Variants in SNW1 observed in about 807,000 individuals in gnomAD.
SNW1 encodes the protein SNW domain-containing protein 1.
A neutral mutation model predicts 75.6 loss-of-function variants in SNW1; 9 were observed. The ratio of observed to expected loss-of-function variants is 0.12; its 90% CI spans 0.07 to 0.21. The LOEUF is 0.21. Among genes scored for constraint, SNW1 ranks in the 10% least tolerant of loss-of-function variants. The pLI is 1.00. For synonymous variants in SNW1, 200 were observed against 219.1 expected (o/e 0.91, Z 0.77); for missense variants, 409 against 670.9 (o/e 0.61, Z 4.31).
chr14:77,727,964 G>A (rs1448701095), intron 10 of SNW1, among the ~76,000 whole-genome samples: 1 of 151,522 alleles, frequency 6.6e-6, no homozygotes, highest in Non-Finnish European at 1.5e-5. Context: ...AGTAGAACTG[G>A]TATTTAGTTC....
chr14:77,751,570 T>G (rs2080807361), intron 2 of SNW1, 90 bp from the exon 3 acceptor site: 1 of 1,022,092 alleles, frequency 9.8e-7, no homozygotes, highest in African/African-American at 1.6e-5. Flanking sequence ...TGTTGAGTCC[T>G]TAGTATGCTA....
At chr14:77,745,309 T>C (rs1292857314) in intron 3 of SNW1, among the ~76,000 whole-genome samples, 3 of 152,138 alleles carry the variant, frequency 2.0e-5, no homozygotes. Flanking sequence ...GGTAGAACTT[T>C]CTAGGAAAAA....
intron 1 of SNW1, among the ~76,000 whole-genome samples, chr14:77,756,750 G>T (rs1158321043): frequency 6.6e-6 from 1 of 152,148 alleles, no homozygotes; most frequent in Non-Finnish European, 1.5e-5. Context: ...AGGCGTGCTG[G>T]TGTGCGCCTG....
chr14:77,730,984 A>G lies in SNW1; in HGVS notation c.1033+4T>C. ...AATTCAATTCAGTAATGAGAATGTC[A>G]TACCTTTTTCCACATGAGTTTTGAT... On this transcript the variant is annotated splice_donor_region_variant and intron_variant, in intron 10 of 13. Transcript: ENST00000261531. 1 of 1,612,074 alleles carries G rather than the reference A, an allele frequency of 6.2e-7. No homozygotes were observed. The highest frequency in any genetic ancestry group is 8.5e-7 in the Non-Finnish European group (1 of 1,179,590).
intron 1 of SNW1, 47 bp from the exon 2 acceptor site, chr14:77,755,167 T>A (rs771689945): frequency 1.9e-6 from 3 of 1,555,502 alleles, no homozygotes; most frequent in Admixed American, 1.9e-5. Flanking sequence ...AACTCTTATG[T>A]TTAATTTGAC....
chr14:77,730,696 G>A (rs1001463486), intron 10 of SNW1, among the ~76,000 whole-genome samples: 27 of 152,136 alleles, frequency 1.8e-4, no homozygotes, highest in African/African-American at 6.5e-4. Flanking sequence ...TTGAGATTAA[G>A]ATAAGAGAAA....
intron 6 of SNW1, 48 bp from the exon 7 acceptor site, chr14:77,736,054 T>C: frequency 7.4e-7 from 1 of 1,355,804 alleles, no homozygotes; most frequent in Non-Finnish European, 1.0e-6. Context: ...TCCTCCCTTT[T>C]AGTCATCATA....
chr14:77,740,824 C>G (rs1443928731), intron 3 of SNW1, among the ~76,000 whole-genome samples: 1 of 152,058 alleles, frequency 6.6e-6, no homozygotes, highest in Non-Finnish European at 1.5e-5. Context: ...GGGGAGGGCA[C>G]GGTGGCTCAC....
chr14:77,740,135 TAAAAAAAAAAA>T (rs1170373918), intron 3 of SNW1, among the ~76,000 whole-genome samples: 1,582 of 65,210 alleles, frequency 0.024, 37 homozygotes, highest in African/African-American at 0.08. Context: ...CACTGTATAT[TAAAAAAAAAAA>T]AAAAAAAAAA....
intron 1 of SNW1, among the ~76,000 whole-genome samples, chr14:77,757,766 A>T (rs1049233027): frequency 2.0e-5 from 3 of 152,164 alleles, no homozygotes; most frequent in Non-Finnish European, 4.4e-5. Context: ...TCTAGCTCAC[A>T]GCTCGAGCTC....
intron 3 of SNW1, among the ~76,000 whole-genome samples, chr14:77,745,950 G>C (rs951078897): frequency 6.6e-6 from 1 of 152,096 alleles, no homozygotes; most frequent in African/African-American, 2.4e-5. Flanking sequence ...CTTGAGCTCA[G>C]GAGTTCAAGG....
At chr14:77,757,336 G>T (rs944243976) in intron 1 of SNW1, among the ~76,000 whole-genome samples, 1 of 152,172 alleles carries the variant, frequency 6.6e-6, no homozygotes, top group Non-Finnish European at 1.5e-5. Flanking sequence ...GTCTGGGGAG[G>T]TAAGTGATGG....
chr14:77,731,316 T>A (rs950901550), intron 9 of SNW1, among the ~76,000 whole-genome samples, 187 bp from the exon 10 acceptor site: 1 of 152,276 alleles, frequency 6.6e-6, no homozygotes, highest in Non-Finnish European at 1.5e-5. Context: ...AAGGTCAGCT[T>A]TTTTCTCTGG....
chr14:77,718,306 A>G lies in SNW1; in HGVS notation c.1413-20T>C. The G allele has an allele frequency of 6.2e-7, 1 of 1,614,056 alleles. No homozygotes were observed. The highest frequency in any genetic ancestry group is 8.5e-7 in the Non-Finnish European group (1 of 1,179,960). ...ACAAATCTAAGGAAAAGGAGAAAAA[A>G]CTATGAACTACTTTGCTTTCACCAG... On this transcript the variant is annotated intron_variant, in intron 13 of 13. Coordinates refer to ENST00000261531, the MANE Select transcript of SNW1 (RefSeq NM_012245.3).
intron 3 of SNW1, among the ~76,000 whole-genome samples, chr14:77,747,740 T>C (rs4903636): frequency 0.78 from 115,527 of 147,850 alleles, 44,271 homozygotes; most frequent in South Asian, 0.81. Flanking sequence ...CCGCCCCGTC[T>C]GGGAGGGAGG....
intron 9 of SNW1, 57 bp from the exon 10 acceptor site, chr14:77,731,186 T>C: frequency 6.4e-7 from 1 of 1,570,086 alleles, no homozygotes; most frequent in Non-Finnish European, 8.7e-7. Context: ...TATTTATGGC[T>C]ATCATCCAAC....
intron 3 of SNW1, among the ~76,000 whole-genome samples, chr14:77,746,370 C>T (rs769099448): frequency 1.3e-5 from 2 of 152,100 alleles, no homozygotes; most frequent in Non-Finnish European, 2.9e-5. Context: ...ATGAAAACAG[C>T]CTGAACTAAG....
At chr14:77,722,605 G>A (rs775575610) in intron 11 of SNW1, 2 of 395,402 alleles carry the variant, frequency 5.1e-6, no homozygotes, top group Middle Eastern at 3.6e-4. Context: ...ATCTGATCTC[G>A]ATTCCGTTTT....
At chr14:77,743,085 C>T (rs887732294) in intron 3 of SNW1, among the ~76,000 whole-genome samples, 1 of 151,682 alleles carries the variant, frequency 6.6e-6, no homozygotes, top group Admixed American at 6.6e-5. Context: ...ATTAGTCAGG[C>T]GTGGTGGCAC....
Sources: gnomAD v4.1 joint callset for allele counts (sites outside exome capture counted in the v4.1 genomes callset) on GRCh38, gnomAD v4.1.1 for gene constraint, MANE v1.5 for transcripts, NCBI Gene and HGNC (gene_info 2026-07-23, HGNC 2026-07-21) for gene names.